Variants in SLC26A7 observed in about 807,000 individuals in gnomAD.
SLC26A7 encodes anion exchange transporter.
In SLC26A7, 59 loss-of-function variants were observed where a neutral mutation model predicts 82.5. The ratio of observed to expected loss-of-function variants is 0.72; its 90% CI spans 0.58 to 0.89. The LOEUF (loss-of-function observed/expected upper bound fraction) is 0.89, where lower values mean the gene tolerates loss of function less well. Among genes scored for constraint, SLC26A7 ranks in the 40% least tolerant of loss-of-function variants. The pLI is 0.00. For missense variants in SLC26A7, 820 were observed against 793.0 expected, an observed-to-expected ratio of 1.03 and a Z score of -0.41; for synonymous variants, 271 against 274.3, an observed-to-expected ratio of 0.99 and a Z score of 0.12.
Position 91,353,856 on chromosome 8 carries a change from C to T in SLC26A7, c.1314+860C>T, listed in dbSNP as rs1813790105. Reference sequence around the variant, plus strand: ...GAGGAATGTGCAGATGAAAAAAGAACTATCCAGTCTCTCTAGACAGTTATT... The same window carrying T: ...GAGGAATGTGCAGATGAAAAAAGAATTATCCAGTCTCTCTAGACAGTTATT... On this transcript the variant is annotated intron_variant, in intron 11 of 18. Transcript: ENST00000276609. Among the ~76,000 whole-genome samples the T allele has an allele frequency of 1.3e-5, 2 of 152,000 alleles. 1 individual carries two copies. The highest frequency in any genetic ancestry group is 1.3e-4 in the Admixed American group (2 of 15,226).
intron 13 of SLC26A7, 91 bp from the exon 14 acceptor site, chr8:91,366,489 T>G (rs1374440040): frequency 2.2e-6 from 3 of 1,373,836 alleles, no homozygotes; most frequent in African/African-American, 3.0e-5. Context: ...ATTGAGAGAT[T>G]GCTTATAAAA....
Position 91,300,238 on chromosome 8 carries a change from G to A in SLC26A7, c.477+4535G>A, listed in dbSNP as rs980555892. On this transcript the variant is annotated intron_variant, in intron 4 of 18. Coordinates refer to ENST00000276609, the MANE Select transcript of SLC26A7 (RefSeq NM_052832.4). ...TATTCCCAAGGATTTAATCTTCTTT[G>A]TTGCTATTATAAGTGGAGTTTTCTT... is the stretch of plus-strand genomic sequence containing the variant. 1.3e-4 allele frequency among the ~76,000 whole-genome samples: 20 copies of A among 152,158 alleles called. No individual in the cohort carries two copies. The East Asian group carries it at 2.5e-3, about 19-fold the overall frequency.
At chr8:91,368,421 T>TG (rs1563703412) in intron 14 of SLC26A7, among the ~76,000 whole-genome samples, 3 of 151,278 alleles carry the variant, frequency 2.0e-5, no homozygotes, top group Admixed American at 6.6e-5. Context: ...AGGTTTTTTT[T>TG]TTTGTTTTTT....
intron 2 of SLC26A7, among the ~76,000 whole-genome samples, chr8:91,234,834 T>A (rs1190008613): frequency 2.1e-5 from 3 of 146,002 alleles, no homozygotes; most frequent in Admixed American, 1.4e-4. Flanking sequence ...CCTACTTCCT[T>A]CCTTCCTTCC....
chr8:91,366,770 G>A, intron 14 of SLC26A7, 53 bp downstream of exon 14: 1 of 1,555,562 alleles, frequency 6.4e-7, no homozygotes, highest in Non-Finnish European at 8.7e-7. Flanking sequence ...CTTATATCAT[G>A]ACAATAAAAC....
At chr8:91,289,625 A>G (rs1282329961) in intron 3 of SLC26A7, among the ~76,000 whole-genome samples, 1 of 152,132 alleles carries the variant, frequency 6.6e-6, no homozygotes, top group East Asian at 1.9e-4. Context: ...AGCCTGAGTG[A>G]CAGAGCGAGA....
intron 2 of SLC26A7, among the ~76,000 whole-genome samples, chr8:91,279,411 C>A (rs1199840674): frequency 4.6e-5 from 7 of 152,062 alleles, no homozygotes. Flanking sequence ...TACATTACCA[C>A]CAACAGCATA....
chr8:91,309,194 C>G (rs1234161326), intron 4 of SLC26A7, among the ~76,000 whole-genome samples: 1 of 151,840 alleles, frequency 6.6e-6, no homozygotes, highest in African/African-American at 2.4e-5. Flanking sequence ...CCTCTTAATA[C>G]ACATGCTTGA....
At chr8:91,323,073 G>C (rs761563222) in intron 5 of SLC26A7, among the ~76,000 whole-genome samples, 5 of 152,168 alleles carry the variant, frequency 3.3e-5, no homozygotes, top group Middle Eastern at 3.2e-3. Context: ...CTACTTTGTA[G>C]ACCTAGGCTC....
chr8:91,276,455 G>T (rs1443880716), intron 2 of SLC26A7, among the ~76,000 whole-genome samples: 1 of 152,044 alleles, frequency 6.6e-6, no homozygotes. Context: ...ATAAATCCTG[G>T]ATTCCATTAA....
chr8:91,353,719 A>G (rs528576311), intron 11 of SLC26A7, among the ~76,000 whole-genome samples: 1 of 152,026 alleles, frequency 6.6e-6, no homozygotes, highest in South Asian at 2.1e-4. Context: ...TCTTCAGATC[A>G]TTTTCTCTGA....
intron 2 of SLC26A7, among the ~76,000 whole-genome samples, chr8:91,243,826 C>T (rs1314570126): frequency 1.3e-5 from 2 of 152,068 alleles, no homozygotes; most frequent in Non-Finnish European, 2.9e-5. Context: ...TGTAAATGGT[C>T]TAAATAAAGC....
chr8:91,217,623 G>C (rs1054374958), intron 1 of SLC26A7, among the ~76,000 whole-genome samples: 5 of 152,090 alleles, frequency 3.3e-5, no homozygotes, highest in African/African-American at 1.2e-4. Flanking sequence ...TATTGAGCCA[G>C]GGAGTGAGAA....
intron 16 of SLC26A7, among the ~76,000 whole-genome samples, chr8:91,391,945 A>C (rs1455128157): frequency 6.6e-6 from 1 of 152,186 alleles, no homozygotes; most frequent in African/African-American, 2.4e-5. Context: ...AGAAAGAAGG[A>C]GAAATGGTTA....
chr8:91,256,150 C>G (rs76240551), intron 2 of SLC26A7, among the ~76,000 whole-genome samples: 1,822 of 152,190 alleles, frequency 0.012, 35 homozygotes, highest in African/African-American at 0.041. Context: ...TAAAAGAATG[C>G]TAATACAAGG....
At chr8:91,257,502 T>C (rs939805896) in intron 2 of SLC26A7, among the ~76,000 whole-genome samples, 4 of 151,908 alleles carry the variant, frequency 2.6e-5, no homozygotes, top group Non-Finnish European at 5.9e-5. Flanking sequence ...TGCTTTGGGC[T>C]CTCCTAACCA....
rs367751221 is a variant in SLC26A7, at chr8:91,221,143, GT to G, written c.-34+2141del. On this transcript the variant is annotated intron_variant, in intron 2 of 5. Transcript: ENST00000522862. ...AGTGATGTTGAGCTTTTCTTCATATGTTTGTTGGCCACATAAATGTCTTCTT... is the reference window on the plus strand; with the variant it reads ...AGTGATGTTGAGCTTTTCTTCATATGTTGTTGGCCACATAAATGTCTTCTT... Among the ~76,000 whole-genome samples the G allele has an allele frequency of 1.0e-3, 153 of 152,298 alleles. 1 individual carries two copies. In the East Asian group the frequency reaches 0.023, roughly 23 times the overall value.
At chr8:91,287,677 A>C (rs545032006) in intron 2 of SLC26A7, among the ~76,000 whole-genome samples, 1 of 152,328 alleles carries the variant, frequency 6.6e-6, no homozygotes, top group African/African-American at 2.4e-5. Flanking sequence ...AATTTTTATC[A>C]GGTAACTTAT....
In SLC26A7 at chr8:91,249,349, T is replaced by C. The variant is rs1810594560; in HGVS notation, c.-178T>C. 4.9e-6 allele frequency: 1 copy of C among 204,148 alleles called. No homozygotes were observed. The highest frequency in any genetic ancestry group is 2.3e-5 in the African/African-American group (1 of 43,412). The allele number at this position is 204,148 out of a possible 1,614,324, so 12.6% of individuals were successfully genotyped here. Reference sequence around the variant, plus strand: ...CCAACTTAACACTGAACCCATTACTTTTCCAAGACCAGAAAAAAATATTAC... The same window carrying C: ...CCAACTTAACACTGAACCCATTACTCTTCCAAGACCAGAAAAAAATATTAC... On this transcript the variant is annotated 5_prime_UTR_variant, in exon 1 of 19. Coordinates refer to ENST00000276609, the MANE Select transcript of SLC26A7 (RefSeq NM_052832.4).
Sources: allele counts gnomAD v4.1 joint callset (sites outside exome capture counted in the v4.1 genomes callset), GRCh38; gene constraint gnomAD v4.1.1; transcripts MANE v1.5; gene names NCBI Gene and HGNC (gene_info 2026-07-23, HGNC 2026-07-21).